Variants in IGF2BP3 observed in about 807,000 individuals in gnomAD.
The protein encoded by IGF2BP3 is insulin like growth factor 2 mRNA binding protein 3.
A neutral mutation model predicts 73.8 loss-of-function variants in IGF2BP3; 9 were observed. The observed-to-expected ratio is 0.12, with a 90% CI of 0.07 to 0.21. The LOEUF (loss-of-function observed/expected upper bound fraction) is 0.21, where lower values mean the gene tolerates loss of function less well. Among genes scored for constraint, IGF2BP3 ranks in the 10% least tolerant of loss-of-function variants. IGF2BP3 has a pLI of 1.00. For missense variants in IGF2BP3, 542 were observed against 714.0 expected (o/e 0.76, Z 2.75); for synonymous variants, 258 against 256.7 (o/e 1.01, Z -0.05).
At chr7:23,450,833 G>A (rs1406169305) in intron 2 of IGF2BP3, 1 of 152,178 alleles carries the variant, frequency 6.6e-6, no homozygotes, top group African/African-American at 2.4e-5. Flanking sequence ...TGAAGCCCAG[G>A]AGATCAAGAC....
chr7:23,371,870 C>T (rs144560753), intron 3 of IGF2BP3, among the ~76,000 whole-genome samples: 82 of 152,162 alleles, frequency 5.4e-4, no homozygotes, highest in East Asian at 4.2e-3. Context: ...CCAAGTTATC[C>T]GGCCACACTG....
intron 2 of IGF2BP3, among the ~76,000 whole-genome samples, chr7:23,436,060 T>C (rs1050257324): frequency 1.3e-5 from 2 of 152,190 alleles, no homozygotes; most frequent in African/African-American, 2.4e-5. Flanking sequence ...CCGGCCAACA[T>C]CTAAATTTTT....
At chr7:23,318,041 T>G (rs1170850808) in intron 11 of IGF2BP3, among the ~76,000 whole-genome samples, 1 of 152,168 alleles carries the variant, frequency 6.6e-6, no homozygotes, top group Non-Finnish European at 1.5e-5. Flanking sequence ...ATCTGGACCA[T>G]GATCACACAG....
intron 3 of IGF2BP3, among the ~76,000 whole-genome samples, chr7:23,381,286 G>A (rs1014019417): frequency 1.3e-5 from 2 of 152,204 alleles, no homozygotes; most frequent in African/African-American, 2.4e-5. Flanking sequence ...GTTTCAAAGA[G>A]GAAAGGCCAC....
At chr7:23,430,203 C>G (rs888311040) in intron 2 of IGF2BP3, among the ~76,000 whole-genome samples, 12 of 152,038 alleles carry the variant, frequency 7.9e-5, no homozygotes, top group African/African-American at 2.9e-4. Context: ...CCTGCCTCAG[C>G]TTCCTCAGTA....
chr7:23,415,391 C>T, intron 3 of IGF2BP3: 1 of 215,776 alleles, frequency 4.6e-6, no homozygotes, highest in South Asian at 4.7e-5. Flanking sequence ...CCCCCTCCAT[C>T]AGTCGGCATC....
At chr7:23,376,555 A>G (rs571957019) in intron 3 of IGF2BP3, among the ~76,000 whole-genome samples, 14,846 of 140,058 alleles carry the variant, frequency 0.11, 916 homozygotes, top group Middle Eastern at 0.21. Flanking sequence ...AAAAAAAAAA[A>G]AAAGAAAGAA....
At chr7:23,333,318 C>T (rs767149753) in intron 10 of IGF2BP3, among the ~76,000 whole-genome samples, 1 of 152,158 alleles carries the variant, frequency 6.6e-6, no homozygotes, top group Admixed American at 6.5e-5. Context: ...GTACTGGTTT[C>T]AGAGAGCAAT....
At chr7:23,312,604 C>G (rs1783862778) in intron 14 of IGF2BP3, 131 bp downstream of exon 14, 1 of 883,798 alleles carries the variant, frequency 1.1e-6, no homozygotes, top group Non-Finnish European at 1.8e-6. Flanking sequence ...TCTCTGAAAT[C>G]ACCCGCTAAA....
intron 3 of IGF2BP3, among the ~76,000 whole-genome samples, chr7:23,381,349 C>T (rs1337318293): frequency 3.3e-5 from 5 of 152,328 alleles, no homozygotes; most frequent in East Asian, 3.9e-4. Flanking sequence ...ACCCACACTA[C>T]GTGACTCTAA....
chr7:23,323,797 G>A (rs1035570905), intron 10 of IGF2BP3, among the ~76,000 whole-genome samples: 3 of 152,060 alleles, frequency 2.0e-5, no homozygotes, highest in African/African-American at 7.2e-5. Flanking sequence ...CATGGAAACT[G>A]AACAACCTGC....
intron 2 of IGF2BP3, among the ~76,000 whole-genome samples, chr7:23,435,292 CAAAAAAAAAAAAA>C (rs35846648): frequency 0.046 from 2,213 of 48,198 alleles, 84 homozygotes; most frequent in African/African-American, 0.15. Flanking sequence ...GACTCTGTCT[CAAAAAAAAAAAAA>C]AAAAAAAAAA....
chr7:23,405,691 T>TA (rs2076531651), intron 3 of IGF2BP3, among the ~76,000 whole-genome samples: 1 of 152,184 alleles, frequency 6.6e-6, no homozygotes, highest in South Asian at 2.1e-4. Context: ...GCATACTCCT[T>TA]ATGAGATTCT....
chr7:23,395,819 G>T (rs913540805), intron 3 of IGF2BP3, among the ~76,000 whole-genome samples: 5 of 151,824 alleles, frequency 3.3e-5, no homozygotes, highest in Admixed American at 2.6e-4. Flanking sequence ...CCAGCTACTC[G>T]GGAGGCTGAG....
intron 3 of IGF2BP3, among the ~76,000 whole-genome samples, chr7:23,368,375 G>GA (rs927883500): frequency 6.6e-6 from 1 of 150,438 alleles, no homozygotes; most frequent in African/African-American, 2.5e-5. Context: ...AAGAAAGAAA[G>GA]AAAGAAAGAA....
chr7:23,335,257 A>G (rs1311144453), intron 10 of IGF2BP3, among the ~76,000 whole-genome samples: 2 of 150,670 alleles, frequency 1.3e-5, no homozygotes, highest in African/African-American at 4.9e-5. Context: ...TGAAACACTC[A>G]TCTGATTTAA....
At chr7:23,468,613 C>T (rs574910634) in intron 1 of IGF2BP3, 71 bp from the exon 2 acceptor site, 1 of 1,516,098 alleles carries the variant, frequency 6.6e-7, no homozygotes, top group Middle Eastern at 1.7e-4. Flanking sequence ...CCCGCACAGC[C>T]CAAGCGGCGA....
chr7:23,321,991 C>T (rs1784167999), intron 10 of IGF2BP3, among the ~76,000 whole-genome samples: 1 of 152,188 alleles, frequency 6.6e-6, no homozygotes, highest in Non-Finnish European at 1.5e-5. Context: ...AGCAAAAAAA[C>T]TGGAAACTCT....
chr7:23,415,280 C>G (rs1787153242), intron 3 of IGF2BP3: 1 of 248,854 alleles, frequency 4.0e-6, no homozygotes, highest in Non-Finnish European at 8.0e-6. Flanking sequence ...CACCAAGTCC[C>G]TGTACGTCAG....
Sources: allele counts gnomAD v4.1 joint callset (sites outside exome capture counted in the v4.1 genomes callset), GRCh38; gene constraint gnomAD v4.1.1; transcripts MANE v1.5; gene names NCBI Gene and HGNC (gene_info 2026-07-23, HGNC 2026-07-21).